COLEC10: variants seen among roughly 807,000 people sequenced by gnomAD.
The protein encoded by COLEC10 is collectin-10.
In COLEC10, 22 loss-of-function variants were observed where a neutral mutation model predicts 28.4. The observed-to-expected ratio is 0.78, with a 90% confidence interval of 0.55 to 1.11. The LOEUF is 1.11. Ranked by LOEUF, COLEC10 falls within the 50% of genes least tolerant of loss-of-function variation. The pLI, the probability that COLEC10 is intolerant of heterozygous loss-of-function variation, is 0.00. For missense variants in COLEC10, 361 were observed against 344.1 expected (o/e 1.05, Z -0.39); for synonymous variants, 125 against 116.1 (o/e 1.08, Z -0.49).
chr8:118,959,661 T>G, the COLEC10 span, among the ~76,000 whole-genome samples: 1 of 152,174 alleles, frequency 6.6e-6, no homozygotes. Flanking sequence ...TTTTATAATT[T>G]TAAAGAATGT....
chr8:119,009,306 C>G lies in COLEC10; in HGVS notation n.123-135C>G, dbSNP rs1159829948. On this transcript the variant is annotated intron_variant and non_coding_transcript_variant, in intron 1 of 6. Transcript: ENST00000521788. ...AATGTGGCAGCTTTGGAAGTGGTGC[C>G]TGTGAGAGGCGATTTGGTTGTTAAG... 1.3e-5 allele frequency: 2 copies of G among 151,030 alleles called. 1 individual carries two copies. Among genetic ancestry groups the G allele is most frequent in the African/African-American group, 5.0e-5 (2 of 40,394 alleles). 9.4% of individuals were successfully genotyped at this position (151,030 alleles called of 1,614,324 possible).
intron 2 of COLEC10, among the ~76,000 whole-genome samples, chr8:119,029,082 G>A (rs1814243645): frequency 6.6e-6 from 1 of 152,278 alleles, no homozygotes; most frequent in East Asian, 1.9e-4. Flanking sequence ...TGTGCAACAT[G>A]TAACAGGGGC....
At chr8:119,086,724 T>A (rs1227567612) in intron 1 of COLEC10, among the ~76,000 whole-genome samples, 1 of 152,206 alleles carries the variant, frequency 6.6e-6, no homozygotes, top group Non-Finnish European at 1.5e-5. Context: ...GGAGAAAGAA[T>A]AATGGCACCA....
chr8:118,966,612 A>G, the COLEC10 span, among the ~76,000 whole-genome samples: 1 of 152,192 alleles, frequency 6.6e-6, no homozygotes, highest in Admixed American at 6.5e-5. Context: ...AGAATTGAAA[A>G]CAATACAGAT....
intron 2 of COLEC10, among the ~76,000 whole-genome samples, chr8:119,025,059 A>T (rs998585274): frequency 3.3e-5 from 5 of 152,198 alleles, no homozygotes; most frequent in Admixed American, 2.6e-4. Context: ...ATATAATTCC[A>T]GTAACACATA....
chr8:119,090,026 A>G (rs1815557449), intron 2 of COLEC10, among the ~76,000 whole-genome samples: 1 of 152,206 alleles, frequency 6.6e-6, no homozygotes, highest in Admixed American at 6.5e-5. Flanking sequence ...AATATTTAAG[A>G]AACGATGTGT....
intron 2 of COLEC10, among the ~76,000 whole-genome samples, chr8:119,034,556 C>T (rs921803759): frequency 1.3e-5 from 2 of 151,920 alleles, no homozygotes; most frequent in African/African-American, 4.8e-5. Flanking sequence ...ACTAAAAATA[C>T]AAAAATTAGC....
At chr8:119,024,328 C>A (rs114879380) in intron 2 of COLEC10, among the ~76,000 whole-genome samples, 2,568 of 152,068 alleles carry the variant, frequency 0.017, 31 homozygotes, top group Middle Eastern at 0.031. Flanking sequence ...AGGAAAAAAA[C>A]GTACTTTAAA....
Position 119,105,841 on chromosome 8 carries a change from A to T in COLEC10, c.484A>T (p.Ile162Phe). Reference sequence around the variant, plus strand: ...GGAAACTGAAGAGAAATTCTACTACATCGTGCAGGAAGAGAAGAACTACAG... The same window carrying T: ...GGAAACTGAAGAGAAATTCTACTACTTCGTGCAGGAAGAGAAGAACTACAG... ...IRETEEKFYY[I>F]VQEEKNYRES... Residue 162 changes from isoleucine to phenylalanine, a missense_variant, in exon 6 of 6, where the codon ATC becomes TTC. By Grantham distance (21) the Ile-to-Phe change is conservative. Around this residue, in one of 3 missense-constraint regions of COLEC10, gnomAD observed 335 missense variants for 308.5 expected, o/e 1.09. Coordinates refer to ENST00000332843, the MANE Select transcript of COLEC10 (RefSeq NM_006438.5). 1 of 1,613,604 alleles carries T rather than the reference A, an allele frequency of 6.2e-7. No individual in the cohort carries two copies.
chr8:118,965,118 G>T, the COLEC10 span, among the ~76,000 whole-genome samples: 1 of 152,114 alleles, frequency 6.6e-6, no homozygotes, highest in African/African-American at 2.4e-5. Context: ...CCCAACTAAA[G>T]GTGGATTTGA....
At position 119,107,316 on chromosome 8, in the gene COLEC10, G is replaced by A. The variant is rs924574115; in HGVS notation, c.*1125G>A. ...CAGAAATGTGTGAGGCACAGAATTCGGAACATGCTTAGAACTCACATTTAC... is the reference window on the plus strand; with the variant it reads ...CAGAAATGTGTGAGGCACAGAATTCAGAACATGCTTAGAACTCACATTTAC... On this transcript the variant is annotated 3_prime_UTR_variant, in exon 6 of 6. Coordinates refer to ENST00000332843, the MANE Select transcript of COLEC10 (RefSeq NM_006438.5). 4.6e-5 allele frequency among the ~76,000 whole-genome samples: 7 copies of A among 152,182 alleles called. No homozygotes were observed. Among genetic ancestry groups the A allele is most frequent in the South Asian group, 2.1e-4 (1 of 4,814 alleles).
the COLEC10 span, among the ~76,000 whole-genome samples, chr8:118,984,555 A>G: frequency 6.6e-6 from 1 of 152,106 alleles, no homozygotes; most frequent in African/African-American, 2.4e-5. Flanking sequence ...ATACTGGATT[A>G]TGTAGATCCT....
At chr8:119,027,492 A>G (rs1814214173) in intron 2 of COLEC10, among the ~76,000 whole-genome samples, 1 of 152,118 alleles carries the variant, frequency 6.6e-6, no homozygotes, top group African/African-American at 2.4e-5. Flanking sequence ...TCTTTTATGC[A>G]AATTCAAATC....
At chr8:119,062,472 A>C (rs1814872621), upstream of COLEC10, among the ~76,000 whole-genome samples, 1 of 147,112 alleles carries the variant, frequency 6.8e-6, no homozygotes, top group East Asian at 2.2e-4. Context: ...CCCAGGTTGA[A>C]TATTTGATTT....
chr8:119,065,855 C>A (rs202190111), upstream of COLEC10, among the ~76,000 whole-genome samples: 10 of 137,580 alleles, frequency 7.3e-5, no homozygotes, highest in Admixed American at 1.5e-4. Context: ...GACTCCATCT[C>A]AAAAAAAAAA....
intron 3 of COLEC10, among the ~76,000 whole-genome samples, chr8:119,092,690 GAGGTCAGGA>G (rs1323794420): frequency 6.6e-6 from 1 of 152,078 alleles, no homozygotes; most frequent in Non-Finnish European, 1.5e-5. Flanking sequence ...TGGATCACCT[GAGGTCAGGA>G]GTTTGAGACA....
chr8:119,098,412 C>T (rs1278108508), intron 3 of COLEC10, among the ~76,000 whole-genome samples: 1 of 152,134 alleles, frequency 6.6e-6, no homozygotes, highest in South Asian at 2.1e-4. Context: ...CTAATTCCTC[C>T]TTTAAGGCTC....
chr8:119,041,552 C>T (rs1814494316), intron 2 of COLEC10, among the ~76,000 whole-genome samples: 1 of 152,080 alleles, frequency 6.6e-6, no homozygotes, highest in South Asian at 2.1e-4. Context: ...AACATGACCC[C>T]AATATACTAC....
chr8:119,005,107 T>C (rs1232956857), intron 1 of COLEC10, among the ~76,000 whole-genome samples: 1 of 152,138 alleles, frequency 6.6e-6, no homozygotes, highest in African/African-American at 2.4e-5. Context: ...TCAGGTCTTT[T>C]AAGTGTCCAG....
Sources: gnomAD v4.1 joint callset for allele counts (sites outside exome capture counted in the v4.1 genomes callset) on GRCh38, gnomAD v4.1.1 for gene constraint, gnomAD v4.1.1 regional missense constraint, MANE v1.5 for transcripts, NCBI Gene and HGNC (gene_info 2026-07-23, HGNC 2026-07-21) for gene names.